SPRY3: variants seen among roughly 807,000 people sequenced by gnomAD.
The protein encoded by SPRY3 is protein sprouty homolog 3.
In SPRY3, 15 loss-of-function variants were observed where a neutral mutation model predicts 20.2. The ratio of observed to expected loss-of-function variants is 0.74; its 90% CI spans 0.50 to 1.14. The LOEUF (loss-of-function observed/expected upper bound fraction) is 1.14, where lower values mean the gene tolerates loss of function less well. Among genes scored for constraint, SPRY3 ranks in the 50% most tolerant of loss-of-function variants. The pLI is 0.00. For missense variants in SPRY3, 364 were observed against 363.9 expected (o/e 1.00, Z 0.00); for synonymous variants, 143 against 136.5 (o/e 1.05, Z -0.33).
At chrX:155,671,473 T>C (rs1343315852) in intron 2 of SPRY3, among the ~76,000 whole-genome samples, 2 of 111,451 alleles carry the variant, frequency 1.8e-5, no homozygotes, top group Non-Finnish European at 3.8e-5. Context: ...TTTCTCTGTC[T>C]TTTTATGGGT....
chrX:155,720,291 C>T (rs306933), intron 2 of SPRY3, among the ~76,000 whole-genome samples: 5 of 151,968 alleles, frequency 3.3e-5, no homozygotes, highest in African/African-American at 1.2e-4. Flanking sequence ...AATAGAACAC[C>T]ATTAGACTTC....
intron 2 of SPRY3, among the ~76,000 whole-genome samples, chrX:155,717,936 T>C (rs748934707): frequency 6.6e-6 from 1 of 151,972 alleles, no homozygotes; most frequent in East Asian, 1.9e-4. Context: ...TGCCCTATGC[T>C]CCAAGTCAAG....
At chrX:155,703,845 CT>C (rs2090928874) in intron 2 of SPRY3, among the ~76,000 whole-genome samples, 1 of 151,884 alleles carries the variant, frequency 6.6e-6, no homozygotes, top group Non-Finnish European at 1.5e-5. Context: ...AACCCTTAAT[CT>C]CATAATTGAA....
At chrX:155,741,369 A>C (rs1819259338) in intron 2 of SPRY3, among the ~76,000 whole-genome samples, 1 of 152,196 alleles carries the variant, frequency 6.6e-6, no homozygotes, top group Non-Finnish European at 1.5e-5. Context: ...GACTGAACCT[A>C]TGACTGATTG....
chrX:155,660,267 A>G (rs1461514812), intron 2 of SPRY3, among the ~76,000 whole-genome samples: 2 of 112,173 alleles, frequency 1.8e-5, no homozygotes, highest in African/African-American at 3.2e-5. Context: ...CCACCATAAT[A>G]TCATCATCTA....
chrX:155,648,285 C>A (rs1603120637), intron 1 of SPRY3, among the ~76,000 whole-genome samples: 1 of 112,650 alleles, frequency 8.9e-6, no homozygotes, highest in Middle Eastern at 4.6e-3. Flanking sequence ...TTTCGCTATG[C>A]AGAAGCTCTT....
At chrX:155,774,300 C>T (rs2091406292) in exon 4 of SPRY3, 2 of 1,613,924 alleles carry the variant, frequency 1.2e-6, no homozygotes, top group Non-Finnish European at 1.7e-6. Context: ...CTAGTGAGCA[C>T]CTCTTCATCT....
At chrX:155,654,743 A>G (rs2067987118) in intron 1 of SPRY3, among the ~76,000 whole-genome samples, 2 of 103,174 alleles carry the variant, frequency 1.9e-5, no homozygotes, top group Non-Finnish European at 4.0e-5. Context: ...GTATAATATA[A>G]AATCTTCTTT....
At chrX:155,756,179 G>A (rs2091282900) in intron 2 of SPRY3, among the ~76,000 whole-genome samples, 1 of 152,050 alleles carries the variant, frequency 6.6e-6, no homozygotes, top group Non-Finnish European at 1.5e-5. Flanking sequence ...CCCTTATAGA[G>A]GAGAGTGGAA....
At chrX:155,659,083 G>A (rs1322194475) in intron 2 of SPRY3, among the ~76,000 whole-genome samples, 2 of 108,323 alleles carry the variant, frequency 1.8e-5, no homozygotes, top group Non-Finnish European at 3.8e-5. Context: ...GATTCCTTTT[G>A]CTAGGGTTCT....
chrX:155,723,489 A>T (rs1175907152), intron 2 of SPRY3, among the ~76,000 whole-genome samples: 2 of 152,132 alleles, frequency 1.3e-5, no homozygotes, highest in Non-Finnish European at 2.9e-5. Context: ...CTGGCGTGAG[A>T]TGGTATCTCA....
At chrX:155,718,607 C>T (rs1188547311) in intron 2 of SPRY3, among the ~76,000 whole-genome samples, 3 of 151,982 alleles carry the variant, frequency 2.0e-5, no homozygotes, top group East Asian at 1.9e-4. Context: ...TAAAGACACA[C>T]CACAGATACA....
At chrX:155,774,363 C>T in exon 4 of SPRY3, 5 of 1,614,026 alleles carry the variant, frequency 3.1e-6, no homozygotes, top group South Asian at 1.1e-5. Flanking sequence ...CTCGCCCTCT[C>T]CCCTCCTGCT....
At chrX:155,667,158 G>T (rs1383349567) in intron 2 of SPRY3, among the ~76,000 whole-genome samples, 2 of 111,249 alleles carry the variant, frequency 1.8e-5, no homozygotes, top group Admixed American at 1.9e-4. Flanking sequence ...ATAAAGAAAA[G>T]AACAGATAAA....
intron 2 of SPRY3, among the ~76,000 whole-genome samples, chrX:155,756,839 G>C (rs995664342): frequency 2.6e-5 from 4 of 151,974 alleles, no homozygotes; most frequent in African/African-American, 9.7e-5. Context: ...AAATATAGGT[G>C]ATGCCTTTCA....
intron 1 of SPRY3, among the ~76,000 whole-genome samples, chrX:155,621,246 C>T (rs1166417844): frequency 8.9e-6 from 1 of 112,157 alleles, no homozygotes; most frequent in African/African-American, 3.2e-5. Flanking sequence ...TTTTAGCAGA[C>T]ATTCTATGCA....
At chrX:155,718,065 T>G (rs1204974493) in intron 2 of SPRY3, among the ~76,000 whole-genome samples, 1 of 152,132 alleles carries the variant, frequency 6.6e-6, no homozygotes, top group Non-Finnish European at 1.5e-5. Flanking sequence ...ACTCCCACTG[T>G]TTTTACTGGA....
intron 2 of SPRY3, among the ~76,000 whole-genome samples, chrX:155,727,569 C>T (rs2091106893): frequency 6.6e-6 from 1 of 152,178 alleles, no homozygotes; most frequent in Non-Finnish European, 1.5e-5. Context: ...CACTGATATC[C>T]TTTCTTCCAC....
chrX:155,749,898 G>T (rs190007898), intron 2 of SPRY3, among the ~76,000 whole-genome samples: 1 of 151,736 alleles, frequency 6.6e-6, no homozygotes. Flanking sequence ...TTATTCTGGA[G>T]TTCAGAGGAG....
Sources: gnomAD v4.1 joint callset for allele counts (sites outside exome capture counted in the v4.1 genomes callset) on GRCh38, gnomAD v4.1.1 for gene constraint, MANE v1.5 for transcripts, NCBI Gene and HGNC (gene_info 2026-07-23, HGNC 2026-07-21) for gene names.